The following EPHA5 variants were observed in gnomAD, a reference collection of about 807,000 sequenced individuals.
EPHA5 encodes the protein EPH receptor A5.
A neutral mutation model predicts 105.0 loss-of-function variants in EPHA5; 60 were observed. The observed-to-expected ratio is 0.57, with a 90% CI of 0.46 to 0.71. The LOEUF is 0.71. EPHA5 is among the 30% of genes least tolerant of loss of function. EPHA5 has a pLI of 0.00. For missense variants in EPHA5, 1,218 were observed against 1,274.7 expected (o/e 0.96, Z 0.68); for synonymous variants, 513 against 449.1 (o/e 1.14, Z -1.80).
chr4:65,531,140 C>A (rs1386818238), intron 3 of EPHA5, among the ~76,000 whole-genome samples: 1 of 151,106 alleles, frequency 6.6e-6, no homozygotes, highest in African/African-American at 2.4e-5. Flanking sequence ...CGGGTTCACG[C>A]CATTCTCCTG....
At chr4:65,368,014 T>C (rs976924558) in intron 8 of EPHA5, among the ~76,000 whole-genome samples, 1 of 152,200 alleles carries the variant, frequency 6.6e-6, no homozygotes, top group South Asian at 2.1e-4. Context: ...TCCACAAATT[T>C]GCAAGTTTTT....
chr4:65,328,011 A>T (rs1720245337), intron 16 of EPHA5, among the ~76,000 whole-genome samples: 1 of 151,204 alleles, frequency 6.6e-6, no homozygotes, highest in African/African-American at 2.4e-5. Flanking sequence ...AAATGGTACA[A>T]GGTATGCATT....
chr4:65,326,674 A>G (rs1301124626), intron 16 of EPHA5, among the ~76,000 whole-genome samples: 1 of 151,406 alleles, frequency 6.6e-6, no homozygotes, highest in African/African-American at 2.4e-5. Context: ...TCTCTGCTGG[A>G]TAATTTAATT....
intron 3 of EPHA5, among the ~76,000 whole-genome samples, chr4:65,544,941 GAA>G (rs11306441): frequency 1.3e-3 from 184 of 145,130 alleles, no homozygotes; most frequent in African/African-American, 2.1e-3. Flanking sequence ...GATGAAGCTG[GAA>G]AAAAAAAAAA....
intron 3 of EPHA5, among the ~76,000 whole-genome samples, chr4:65,539,227 C>T (rs1292231269): frequency 6.6e-6 from 1 of 151,614 alleles, no homozygotes; most frequent in East Asian, 1.9e-4. Flanking sequence ...GCTGTGGAAA[C>T]TCTGACAAGT....
chr4:65,472,703 G>A (rs1729409221), intron 5 of EPHA5, among the ~76,000 whole-genome samples: 1 of 152,180 alleles, frequency 6.6e-6, no homozygotes, highest in African/African-American at 2.4e-5. Context: ...AAGTGCCACA[G>A]TTGCACAGAG....
chr4:65,643,732 A>G (rs1747871709), intron 1 of EPHA5, among the ~76,000 whole-genome samples: 1 of 151,996 alleles, frequency 6.6e-6, no homozygotes, highest in African/African-American at 2.4e-5. Flanking sequence ...AAAGACAAAA[A>G]GTAAGCCCAC....
At chr4:65,486,670 G>T (rs1169267747) in intron 5 of EPHA5, among the ~76,000 whole-genome samples, 2 of 152,194 alleles carry the variant, frequency 1.3e-5, no homozygotes, top group Non-Finnish European at 2.9e-5. Context: ...ATTCTTAAAA[G>T]ATATTTAGGC....
chr4:65,656,975 T>C (rs1749133413), intron 1 of EPHA5, among the ~76,000 whole-genome samples: 1 of 148,432 alleles, frequency 6.7e-6, no homozygotes, highest in Non-Finnish European at 1.5e-5. Flanking sequence ...TCTGGAGAAA[T>C]AGTTCATTTA....
At chr4:65,388,467 T>A (rs1720356054) in intron 8 of EPHA5, among the ~76,000 whole-genome samples, 1 of 150,192 alleles carries the variant, frequency 6.7e-6, no homozygotes, top group African/African-American at 2.4e-5. Flanking sequence ...CTCCACATCC[T>A]CTCCAGCACC....
chr4:65,629,783 C>T (rs980419124), intron 2 of EPHA5, among the ~76,000 whole-genome samples: 2 of 152,096 alleles, frequency 1.3e-5, no homozygotes, highest in Non-Finnish European at 2.9e-5. Context: ...ATGATTCCAT[C>T]CTCTTCCCCC....
At chr4:65,640,347 G>A (rs1206164762) in intron 2 of EPHA5, among the ~76,000 whole-genome samples, 4 of 143,166 alleles carry the variant, frequency 2.8e-5, no homozygotes, top group South Asian at 2.2e-4. Context: ...GTGCAGTGGC[G>A]CAATCTTGGC....
intron 1 of EPHA5, chr4:65,669,327 C>G (rs897437982): frequency 1.1e-6 from 1 of 923,368 alleles, no homozygotes; most frequent in Admixed American, 6.2e-5. Context: ...CCCAACCAGC[C>G]TCTGTCCACA....
At chr4:65,443,609 C>T (rs888818838) in intron 5 of EPHA5, among the ~76,000 whole-genome samples, 2 of 152,030 alleles carry the variant, frequency 1.3e-5, no homozygotes, top group African/African-American at 4.8e-5. Context: ...CTGGTTCTAG[C>T]AATGCCTAAA....
At chr4:65,507,436 G>T (rs1481742211) in intron 3 of EPHA5, among the ~76,000 whole-genome samples, 1 of 152,088 alleles carries the variant, frequency 6.6e-6, no homozygotes, top group Non-Finnish European at 1.5e-5. Flanking sequence ...GGATGGCATT[G>T]AATCTATAAA....
chr4:65,324,790 T>C (rs911543694), intron 16 of EPHA5, among the ~76,000 whole-genome samples: 1 of 150,676 alleles, frequency 6.6e-6, no homozygotes, highest in Non-Finnish European at 1.5e-5. Flanking sequence ...AGAATTTTTT[T>C]TTAATCAAAT....
chr4:65,506,146 C>G (rs1441545003), intron 3 of EPHA5, among the ~76,000 whole-genome samples: 2 of 152,072 alleles, frequency 1.3e-5, no homozygotes, highest in Non-Finnish European at 2.9e-5. Context: ...TGATGGTTTC[C>G]AGCTTCATCC....
chr4:65,552,366 T>C (rs998556064), intron 3 of EPHA5, among the ~76,000 whole-genome samples: 2 of 152,232 alleles, frequency 1.3e-5, no homozygotes, highest in African/African-American at 4.8e-5. Flanking sequence ...CCACCTTAGT[T>C]ACGGGCTTTA....
chr4:65,617,528 A>G (rs1205140134), intron 2 of EPHA5, among the ~76,000 whole-genome samples: 4 of 152,148 alleles, frequency 2.6e-5, no homozygotes, highest in Non-Finnish European at 5.9e-5. Flanking sequence ...ACAGCAGGGA[A>G]ACAGAAAGAC....
Sources: allele counts gnomAD v4.1 joint callset (sites outside exome capture counted in the v4.1 genomes callset), GRCh38; gene constraint gnomAD v4.1.1; transcripts MANE v1.5; gene names NCBI Gene and HGNC (gene_info 2026-07-23, HGNC 2026-07-21).